TCF12: variants seen among roughly 807,000 people sequenced by gnomAD.
The protein encoded by TCF12 is transcription factor 12, also known as DNA-binding protein HTF4.
A neutral mutation model predicts 86.0 loss-of-function variants in TCF12; 45 were observed. The ratio of observed to expected loss-of-function variants is 0.52; its 90% CI spans 0.41 to 0.67. TCF12 has a LOEUF of 0.67. Among genes scored for constraint, TCF12 ranks in the 30% least tolerant of loss-of-function variants. The pLI, the probability that TCF12 is intolerant of heterozygous loss-of-function variation, is 0.00. For missense variants in TCF12, 881 were observed against 859.9 expected (o/e 1.02, Z -0.31); for synonymous variants, 330 against 299.6 (o/e 1.10, Z -1.05).
At chr15:57,065,490 G>A (rs1367235055) in intron 4 of TCF12, among the ~76,000 whole-genome samples, 1 of 152,266 alleles carries the variant, frequency 6.6e-6, no homozygotes, top group East Asian at 1.9e-4. Flanking sequence ...GAAACTCACA[G>A]TACTACTTAT....
intron 5 of TCF12, among the ~76,000 whole-genome samples, chr15:57,157,703 C>A (rs1201806663): frequency 6.6e-6 from 1 of 151,974 alleles, no homozygotes; most frequent in Non-Finnish European, 1.5e-5. Flanking sequence ...GCTGGGACCA[C>A]AGTTGTGCAC....
In TCF12 at chr15:57,146,842, G is replaced by A. The variant is rs183322713; in HGVS notation, c.326-19560G>A. Among the ~76,000 whole-genome samples, 43 of 152,088 alleles carry A rather than the reference G, an allele frequency of 2.8e-4. No homozygotes were observed. In the East Asian group the frequency reaches 4.6e-3, roughly 16 times the overall value. On this transcript the variant is annotated intron_variant, in intron 5 of 20. Coordinates refer to ENST00000333725, the MANE Select transcript of TCF12 (RefSeq NM_207037.2). ...GGAAGAGTGGATGATAATTAGAGAT[G>A]GTGTAACACACTGTTAGTGTTTAGG...
chr15:57,104,435 CTTTTTTT>C (rs71113062), intron 5 of TCF12, among the ~76,000 whole-genome samples: 12 of 103,362 alleles, frequency 1.2e-4, no homozygotes, highest in East Asian at 2.7e-4. Flanking sequence ...TTTTTTTTTT[CTTTTTTT>C]TTTTTTTTTT....
chr15:57,172,895 GTTCAAGACCAGAC>G (rs1486179729), intron 6 of TCF12, among the ~76,000 whole-genome samples: 1 of 151,446 alleles, frequency 6.6e-6, no homozygotes, highest in Non-Finnish European at 1.5e-5. Flanking sequence ...GAGCCCAGGA[GTTCAAGACCAGAC>G]TGAGCAGCAT....
chr15:57,093,490 G>C (rs1354935758), intron 5 of TCF12, among the ~76,000 whole-genome samples: 1 of 152,114 alleles, frequency 6.6e-6, no homozygotes, highest in Non-Finnish European at 1.5e-5. Context: ...TTCACTCATA[G>C]AGATGACTTT....
rs1567560332 is a variant in TCF12 at position 57,170,804 on chromosome 15, AAT to A, written c.390+4339_390+4340del. 1.5e-3 allele frequency among the ~76,000 whole-genome samples: 22 copies of A among 14,516 alleles called. 1 individual carries two copies. The highest frequency in any genetic ancestry group is 5.6e-3 in the African/African-American group (22 of 3,900). The allele number at this position is 14,516 out of a possible 152,430, so 9.5% of individuals were successfully genotyped here. On this transcript the variant is annotated intron_variant, in intron 6 of 20. Coordinates refer to ENST00000333725, the MANE Select transcript of TCF12 (RefSeq NM_207037.2). ...ATATATATATATAATATATATATAT[AAT>A]TTTTTTTTTTTTTTTTTTAGAGATG...
At position 57,223,654 on chromosome 15, in the gene TCF12, T is replaced by TTTGTTTGTTTTTTG. The variant is rs1248684058; in HGVS notation, c.580-7496_580-7495insGTTTGTTTTTTGTT. Among the ~76,000 whole-genome samples the TTTGTTTGTTTTTTG allele has an allele frequency of 1.2e-3, 157 of 130,022 alleles. 2 individuals carry two copies. Among genetic ancestry groups the TTTGTTTGTTTTTTG allele is most frequent in the African/African-American group, 4.1e-3 (152 of 36,920 alleles). The allele number at this position is 130,022 out of a possible 152,430, so 85.3% of individuals were successfully genotyped here. On this transcript the variant is annotated intron_variant, in intron 8 of 20. Transcript: ENST00000333725. ...TGCCTACCAATGAGGTTTTTTTTTT[T>TTTGTTTGTTTTTTG]TTTTTTTTTTTTTTTTTAGAAATAG...
At chr15:57,118,451 G>C (rs2050994260) in intron 5 of TCF12, 1 of 151,862 alleles carries the variant, frequency 6.6e-6, no homozygotes, top group African/African-American at 2.4e-5. Context: ...CTCTTCATTT[G>C]AAATATCTTT....
At chr15:56,979,281 A>C (rs1428303490) in intron 3 of TCF12, among the ~76,000 whole-genome samples, 1 of 152,184 alleles carries the variant, frequency 6.6e-6, no homozygotes, top group African/African-American at 2.4e-5. Flanking sequence ...ATTTTCATAA[A>C]ATCATGTTTT....
chr15:56,993,788 C>A (rs528037638), intron 3 of TCF12, among the ~76,000 whole-genome samples: 4 of 152,254 alleles, frequency 2.6e-5, no homozygotes, highest in South Asian at 4.2e-4. Context: ...AATATATTAC[C>A]AGTGTCCACA....
intron 6 of TCF12, among the ~76,000 whole-genome samples, chr15:57,185,388 A>G (rs2056607602): frequency 6.6e-6 from 1 of 152,238 alleles, no homozygotes; most frequent in African/African-American, 2.4e-5. Context: ...CCTTAATCAG[A>G]GGGAAATTTA....
intron 4 of TCF12, among the ~76,000 whole-genome samples, chr15:57,077,351 G>A (rs868501042): frequency 7.6e-5 from 3 of 39,498 alleles, no homozygotes; most frequent in Non-Finnish European, 1.9e-4. Context: ...GTGTGTGTGT[G>A]TGTGTGTGTG....
intron 3 of TCF12, among the ~76,000 whole-genome samples, chr15:56,935,772 C>T (rs1230367134): frequency 4.6e-5 from 7 of 152,128 alleles, no homozygotes; most frequent in Non-Finnish European, 8.8e-5. Context: ...CAATAGTCTC[C>T]AGTTCCATCC....
intron 3 of TCF12, among the ~76,000 whole-genome samples, chr15:57,021,845 A>G (rs931157202): frequency 2.6e-4 from 40 of 151,796 alleles, no homozygotes; most frequent in African/African-American, 9.4e-4. Context: ...GGCGGGTTCC[A>G]CAGGGACATG....
intron 5 of TCF12, among the ~76,000 whole-genome samples, chr15:57,122,934 A>G (rs1470197693): frequency 1.3e-5 from 2 of 152,206 alleles, no homozygotes; most frequent in Admixed American, 1.3e-4. Context: ...CAGACCAACT[A>G]AAAAACAGCT....
intron 3 of TCF12, among the ~76,000 whole-genome samples, chr15:56,976,036 GTA>G (rs1175651731): frequency 4.0e-5 from 6 of 151,818 alleles, no homozygotes; most frequent in African/African-American, 7.3e-5. Context: ...GAGCCACACC[GTA>G]TATGTTTAAA....
At chr15:57,198,069 C>A (rs958093050) in intron 8 of TCF12, among the ~76,000 whole-genome samples, 1 of 152,092 alleles carries the variant, frequency 6.6e-6, no homozygotes, top group South Asian at 2.1e-4. Flanking sequence ...TTTGAATTCC[C>A]CTCTTGGGAA....
At chr15:56,963,027 CT>C (rs532973260) in intron 3 of TCF12, among the ~76,000 whole-genome samples, 5,840 of 96,236 alleles carry the variant, frequency 0.061, 175 homozygotes, top group African/African-American at 0.14. Flanking sequence ...GTGTTAAGGT[CT>C]TTTTTTTTTT....
intron 6 of TCF12, among the ~76,000 whole-genome samples, chr15:57,169,259 T>C (rs947534318): frequency 1.3e-5 from 2 of 152,172 alleles, no homozygotes; most frequent in Non-Finnish European, 2.9e-5. Flanking sequence ...AGCAGCTTAG[T>C]TAGGCAGTAT....
Sources: gnomAD v4.1 joint callset for allele counts (sites outside exome capture counted in the v4.1 genomes callset) on GRCh38, gnomAD v4.1.1 for gene constraint, MANE v1.5 for transcripts, NCBI Gene and HGNC (gene_info 2026-07-23, HGNC 2026-07-21) for gene names.